Variants in FBXO34 observed in about 807,000 individuals in gnomAD.
The protein encoded by FBXO34 is F-box protein 34.
Under a neutral mutation model 24.5 loss-of-function variants are expected in FBXO34, and 12 were observed. The ratio of observed to expected loss-of-function variants is 0.49; its 90% CI spans 0.31 to 0.79. The LOEUF is 0.79. Among genes scored for constraint, FBXO34 ranks in the 30% least tolerant of loss-of-function variants. FBXO34 has a pLI of 0.04. For synonymous variants in FBXO34, 320 were observed against 311.9 expected (o/e 1.03, Z -0.27); for missense variants, 823 against 857.7 (o/e 0.96, Z 0.51).
the FBXO34 span, chr14:55,385,713 G>A: frequency 7.6e-6 from 6 of 784,664 alleles, no homozygotes; most frequent in Non-Finnish European, 1.0e-5. Context: ...GGTGCGTACT[G>A]TTTGTTGAAA....
chr14:55,413,845 A>G, the FBXO34 span: 4 of 403,418 alleles, frequency 9.9e-6, no homozygotes, highest in East Asian at 6.0e-5. Context: ...TACAATGCCA[A>G]CAGCATGCTG....
At position 55,310,221 on chromosome 14, in the gene FBXO34, T is replaced by G. The variant is rs1882690604; in HGVS notation, c.-11+38684T>G. Among the ~76,000 whole-genome samples the G allele has an allele frequency of 3.3e-5, 5 of 152,100 alleles. No individual in the cohort carries two copies. In the South Asian group the frequency reaches 1.0e-3, roughly 32 times the overall value. Reference sequence around the variant, plus strand: ...GTACTGTTTACCCAAAGTACTGGAGTGTGAACATAAAGGTTTGAATAAGAC... The same window carrying G: ...GTACTGTTTACCCAAAGTACTGGAGGGTGAACATAAAGGTTTGAATAAGAC... On this transcript the variant is annotated intron_variant, in intron 1 of 1. Transcript: ENST00000313833.
At chr14:55,384,399 T>G in the FBXO34 span, among the ~76,000 whole-genome samples, 1 of 152,236 alleles carries the variant, frequency 6.6e-6, no homozygotes, top group East Asian at 1.9e-4. Context: ...TAATCAGCAC[T>G]GCTACAACAC....
chr14:55,393,181 A>G, the FBXO34 span, among the ~76,000 whole-genome samples: 2 of 152,132 alleles, frequency 1.3e-5, no homozygotes, highest in Admixed American at 6.5e-5. Flanking sequence ...GGAGATTGAG[A>G]CCATCCTGGC....
At chr14:55,301,165 G>A (rs557404771) in intron 1 of FBXO34, among the ~76,000 whole-genome samples, 1 of 152,252 alleles carries the variant, frequency 6.6e-6, no homozygotes, top group South Asian at 2.1e-4. Flanking sequence ...GGCTGGGCAC[G>A]GTGGCTCATG....
chr14:55,310,592 C>T (rs1882701452), intron 1 of FBXO34, among the ~76,000 whole-genome samples: 1 of 152,142 alleles, frequency 6.6e-6, no homozygotes, highest in South Asian at 2.1e-4. Flanking sequence ...TACAAGGAAT[C>T]TTTTAGATTA....
downstream of FBXO34, among the ~76,000 whole-genome samples, chr14:55,370,623 C>T (rs1427795331): frequency 6.6e-6 from 1 of 151,846 alleles, no homozygotes; most frequent in Non-Finnish European, 1.5e-5. Context: ...AGTCAGCAAA[C>T]CTCAGAAGCC....
the FBXO34 span, among the ~76,000 whole-genome samples, chr14:55,375,692 A>G: frequency 6.6e-6 from 1 of 151,964 alleles, no homozygotes; most frequent in Non-Finnish European, 1.5e-5. Flanking sequence ...TATCCAGTTC[A>G]ATAATTATAC....
At chr14:55,411,461 A>G in the FBXO34 span, 3 of 838,132 alleles carry the variant, frequency 3.6e-6, no homozygotes, top group South Asian at 5.3e-5. Flanking sequence ...TCCGGTGCAG[A>G]GCAGCTAGCT....
chr14:55,363,531 G>A (rs1196865301), downstream of FBXO34, among the ~76,000 whole-genome samples: 1 of 151,938 alleles, frequency 6.6e-6, no homozygotes, highest in Non-Finnish European at 1.5e-5. Context: ...TTTTCACCAT[G>A]TTGGTCAGGC....
At chr14:55,368,922 T>TA (rs1209705442), downstream of FBXO34, 1 of 152,576 alleles carries the variant, frequency 6.6e-6, no homozygotes, top group Non-Finnish European at 1.5e-5. Flanking sequence ...AAAAACTCTC[T>TA]AGACATTATT....
Position 55,350,762 on chromosome 14 carries a change from A to G in FBXO34, c.372A>G (p.Ala124=), listed in dbSNP as rs769317520. Residue 124 remains alanine (A), a synonymous_variant, in exon 2 of 2, where the codon GCA becomes GCG. Transcript: ENST00000313833. Reference sequence around the variant, plus strand: ...CCAAGGAAAAAATTGCATTCTTTGCATCCCACCAGTGTAGTAACAGGATAG... The same window carrying G: ...CCAAGGAAAAAATTGCATTCTTTGCGTCCCACCAGTGTAGTAACAGGATAG... ...GNTKEKIAFF[A]SHQCSNRIGS... The G allele has an allele frequency of 6.2e-7, 1 of 1,609,128 alleles. No individual in the cohort carries two copies. The highest frequency in any genetic ancestry group is 2.2e-5 in the East Asian group (1 of 44,874).
chr14:55,431,865 G>T, the FBXO34 span, among the ~76,000 whole-genome samples: 1 of 152,160 alleles, frequency 6.6e-6, no homozygotes, highest in Admixed American at 6.5e-5. Flanking sequence ...CATCTGACTA[G>T]TGGCTATATC....
At chr14:55,276,852 G>A (rs1450424328) in intron 1 of FBXO34, among the ~76,000 whole-genome samples, 1 of 152,128 alleles carries the variant, frequency 6.6e-6, no homozygotes, top group Non-Finnish European at 1.5e-5. Flanking sequence ...TTGCATTCTT[G>A]GATGTGCTGG....
At chr14:55,400,308 T>TTA in the FBXO34 span, among the ~76,000 whole-genome samples, 1 of 152,120 alleles carries the variant, frequency 6.6e-6, no homozygotes, top group Non-Finnish European at 1.5e-5. Context: ...ATGATACATA[T>TTA]TATATATATA....
At chr14:55,423,611 T>C in the FBXO34 span, among the ~76,000 whole-genome samples, 1 of 152,260 alleles carries the variant, frequency 6.6e-6, no homozygotes, top group Non-Finnish European at 1.5e-5. Context: ...AGAATGGTTT[T>C]TATCTTTTTC....
At chr14:55,437,008 G>GTTCC in the FBXO34 span, 1 of 1,613,876 alleles carries the variant, frequency 6.2e-7, no homozygotes, top group Non-Finnish European at 8.5e-7. Context: ...CCTGGGTGGG[G>GTTCC]CAAGGCCATC....
the FBXO34 span, among the ~76,000 whole-genome samples, chr14:55,385,326 T>C: frequency 6.6e-6 from 1 of 152,130 alleles, no homozygotes; most frequent in South Asian, 2.1e-4. Flanking sequence ...AGAGTCTCGC[T>C]CTGTCACCCA....
the FBXO34 span, among the ~76,000 whole-genome samples, chr14:55,382,794 T>C: frequency 6.6e-6 from 1 of 152,188 alleles, no homozygotes; most frequent in South Asian, 2.1e-4. Flanking sequence ...AACTACTTGG[T>C]CTCAACACCT....
Sources: allele counts gnomAD v4.1 joint callset (sites outside exome capture counted in the v4.1 genomes callset), GRCh38; gene constraint gnomAD v4.1.1; transcripts MANE v1.5; gene names NCBI Gene and HGNC (gene_info 2026-07-23, HGNC 2026-07-21).